The following COL18A1 variants were observed in gnomAD, a reference collection of about 807,000 sequenced individuals.
The protein encoded by COL18A1 is collagen type XVIII alpha 1 chain.
A neutral mutation model predicts 168.0 loss-of-function variants in COL18A1; 133 were observed. The ratio of observed to expected loss-of-function variants is 0.79; its 90% confidence interval spans 0.69 to 0.91. The LOEUF is 0.91. COL18A1 is among the 40% of genes least tolerant of loss of function. The probability of loss-of-function intolerance (pLI) is 0.00; values close to 1 mark genes in which losing one functional copy is unlikely to be tolerated. For missense variants in COL18A1, 2,126 were observed against 1,925.4 expected (o/e 1.10, Z -1.95); for synonymous variants, 949 against 809.0 (o/e 1.17, Z -2.94).
intron 2 of COL18A1, among the ~76,000 whole-genome samples, chr21:45,466,106 G>T (rs1322638339): frequency 6.6e-6 from 1 of 152,172 alleles, no homozygotes; most frequent in Non-Finnish European, 1.5e-5. Flanking sequence ...CCGGCTTCTG[G>T]GAGAGGGCGC....
At chr21:45,451,597 C>CGTTGCCT (rs1408925800) in intron 2 of COL18A1, among the ~76,000 whole-genome samples, 1 of 152,216 alleles carries the variant, frequency 6.6e-6, no homozygotes, top group African/African-American at 2.4e-5. Context: ...TTGTGGTTAA[C>CGTTGCCT]GTTGCCTTTG....
rs2034855353 is a variant in COL18A1 at position 45,457,037 on chromosome 21, G to C, written c.107-11205G>C. On this transcript the variant is annotated intron_variant, in intron 2 of 41. Coordinates refer to ENST00000651438, the MANE Select transcript of COL18A1 (RefSeq NM_001379500.1). The surrounding 1 kb of genome is among the most constrained non-coding windows in gnomAD (Gnocchi z 4.6). ...GGGAGGTGGGAGAGCTGGGAGTGAG[G>C]CCTCCTGTGTGGGGAGGAGGCCGGC... Among the ~76,000 whole-genome samples the C allele has an allele frequency of 6.6e-6, 1 of 152,218 alleles. No individual in the cohort carries two copies. The highest frequency in any genetic ancestry group is 2.4e-5 in the African/African-American group (1 of 41,466).
intron 2 of COL18A1, chr21:45,410,172 G>C (rs904547742): frequency 9.2e-5 from 14 of 152,228 alleles, no homozygotes; most frequent in African/African-American, 3.4e-4. Context: ...CCGTGGAAAG[G>C]GGAATTATTC....
At chr21:45,485,409 T>C (rs144992870) in intron 15 of COL18A1, among the ~76,000 whole-genome samples, 105 of 151,900 alleles carry the variant, frequency 6.9e-4, no homozygotes, top group African/African-American at 2.4e-3. Flanking sequence ...GGTGGGAGGA[T>C]TATTTGAGTC....
chr21:45,510,788 G>T (rs1420360570), intron 40 of COL18A1, among the ~76,000 whole-genome samples: 1 of 152,150 alleles, frequency 6.6e-6, no homozygotes, highest in Non-Finnish European at 1.5e-5. Context: ...CTGGGAGCAG[G>T]CGGCTGTGGC....
At chr21:45,464,960 G>A (rs2035152905) in intron 2 of COL18A1, among the ~76,000 whole-genome samples, 1 of 152,198 alleles carries the variant, frequency 6.6e-6, no homozygotes, top group Non-Finnish European at 1.5e-5. Context: ...CATGTGCACG[G>A]CTGCACATGT....
intron 2 of COL18A1, among the ~76,000 whole-genome samples, chr21:45,450,969 C>T (rs2034607908): frequency 6.6e-6 from 1 of 152,214 alleles, no homozygotes; most frequent in South Asian, 2.1e-4. Flanking sequence ...GCCAGGTGGA[C>T]GCTTAGGCTC....
chr21:45,438,561 T>C (rs2034284028), intron 2 of COL18A1, among the ~76,000 whole-genome samples: 2 of 152,252 alleles, frequency 1.3e-5, no homozygotes, highest in South Asian at 4.1e-4. Context: ...CTCAGGGCTT[T>C]GGGCTACTCT....
At chr21:45,481,466 G>A (rs181701539) in intron 13 of COL18A1, among the ~76,000 whole-genome samples, 1 of 152,280 alleles carries the variant, frequency 6.6e-6, no homozygotes, top group Non-Finnish European at 1.5e-5. Context: ...TGACGTGCAG[G>A]GCAGGGAGTG....
intron 2 of COL18A1, among the ~76,000 whole-genome samples, chr21:45,406,206 G>T (rs1427933214): frequency 1.3e-5 from 2 of 152,184 alleles, no homozygotes; most frequent in African/African-American, 2.4e-5. Flanking sequence ...AGAGGCCCGG[G>T]GGAGGCGGCG....
intron 2 of COL18A1, among the ~76,000 whole-genome samples, chr21:45,431,786 C>T (rs113120930): frequency 0.019 from 2,903 of 152,192 alleles, 74 homozygotes; most frequent in African/African-American, 0.058. Flanking sequence ...CCGTCGCGGA[C>T]GGTCTAAGCC....
rs1261076642 is a variant in COL18A1, at chr21:45,425,971, G to T, written c.106+20498G>T. Among the ~76,000 whole-genome samples, 1 of 152,148 alleles carries T rather than the reference G, an allele frequency of 6.6e-6. No individual in the cohort carries two copies. The highest frequency in any genetic ancestry group is 2.1e-4 in the South Asian group (1 of 4,834). On this transcript the variant is annotated intron_variant, in intron 2 of 41. Transcript: ENST00000651438. This position sits in a 1 kb window ranked among gnomAD's most constrained non-coding sequence, Gnocchi z 4.1. ...TCATGTGGGATGAGAACCCAGGAAGGGGCTGAGTGTGACTCCTCTGGTTTT... is the reference window on the plus strand; with the variant it reads ...TCATGTGGGATGAGAACCCAGGAAGTGGCTGAGTGTGACTCCTCTGGTTTT...
rs781447881 is a variant in COL18A1 at position 45,503,976 on chromosome 21, A to G, written c.2684-35A>G. 12 of 1,612,286 alleles carry G rather than the reference A, an allele frequency of 7.4e-6. No homozygotes were observed. The South Asian group carries it at 1.2e-4, about 16-fold the overall frequency. ...AGGGAACCCGGCGCTGTCAGACACC[A>G]CCTCAGCGAGACCCCGCCTGTCTCT... On this transcript the variant is annotated intron_variant, in intron 32 of 41. Transcript: ENST00000651438.
chr21:45,452,921 G>C (rs911885606), intron 2 of COL18A1, among the ~76,000 whole-genome samples: 1 of 151,734 alleles, frequency 6.6e-6, no homozygotes, highest in Non-Finnish European at 1.5e-5. Context: ...ATGTGTGTGA[G>C]TATTCACATG....
At chr21:45,511,273 G>A in intron 41 of COL18A1, 47 bp downstream of exon 41, 1 of 1,085,240 alleles carries the variant, frequency 9.2e-7, no homozygotes, top group Non-Finnish European at 1.4e-6. Context: ...CCCAGCCAGG[G>A]AAGGCGGGCG....
chr21:45,452,473 A>G (rs1210703955), intron 2 of COL18A1, among the ~76,000 whole-genome samples: 1 of 150,594 alleles, frequency 6.6e-6, no homozygotes, highest in African/African-American at 2.5e-5. Context: ...GCATATATGT[A>G]CGTGTGTGTT....
intron 31 of COL18A1, 45 bp downstream of exon 31, chr21:45,497,137 AT>A: frequency 6.4e-6 from 8 of 1,241,246 alleles, no homozygotes; most frequent in Non-Finnish European, 9.4e-6. Context: ...CTCTGAAGGG[AT>A]GCTCCAGAGC....
intron 2 of COL18A1, among the ~76,000 whole-genome samples, chr21:45,417,673 A>G (rs1476855656): frequency 6.6e-6 from 1 of 152,016 alleles, no homozygotes; most frequent in Non-Finnish European, 1.5e-5. Flanking sequence ...GTTAATAACA[A>G]CGGACTGTGG....
At chr21:45,479,380 G>T (rs914239647) in intron 9 of COL18A1, among the ~76,000 whole-genome samples, 16 of 150,492 alleles carry the variant, frequency 1.1e-4, no homozygotes, top group African/African-American at 3.9e-4. Context: ...CACCACAGGT[G>T]GACGCATGCA....
Sources: gnomAD v4.1 joint callset for allele counts (sites outside exome capture counted in the v4.1 genomes callset) on GRCh38, gnomAD v4.1.1 for gene constraint, Gnocchi (gnomAD v3.1) non-coding constraint, MANE v1.5 for transcripts, NCBI Gene and HGNC (gene_info 2026-07-23, HGNC 2026-07-21) for gene names.